IQSEC1: variants seen among roughly 807,000 people sequenced by gnomAD.
The protein encoded by IQSEC1 is IQ motif and SEC7 domain-containing protein 1.
Under a neutral mutation model 91.0 loss-of-function variants are expected in IQSEC1, and 31 were observed. The observed-to-expected ratio is 0.34, with a 90% CI of 0.26 to 0.46. The LOEUF (loss-of-function observed/expected upper bound fraction) is 0.46, where lower values mean the gene tolerates loss of function less well. IQSEC1 is among the 20% of genes least tolerant of loss of function. IQSEC1 has a pLI of 1.00. For missense variants in IQSEC1, 1,388 were observed against 1,575.6 expected (o/e 0.88, Z 2.02); for synonymous variants, 699 against 662.6 (o/e 1.05, Z -0.84).
Position 13,238,830 on chromosome 3 carries a change from T to A in IQSEC1, c.272+43881A>T, listed in dbSNP as rs372301336. On this transcript the variant is annotated intron_variant, in intron 1 of 15. Transcript: ENST00000648114. ...GTGTGCAGCAGCCCCCAGGCCCTCC[T>A]ACAGTCCCTGGGAGGGCTCTGGCCA... Among the ~76,000 whole-genome samples, 390 of 152,252 alleles carry A rather than the reference T, an allele frequency of 2.6e-3. 2 individuals carry two copies. The highest frequency in any genetic ancestry group is 8.8e-3 in the African/African-American group (365 of 41,568).
intron 1 of IQSEC1, among the ~76,000 whole-genome samples, chr3:13,051,381 A>T (rs1704684288): frequency 6.6e-6 from 1 of 152,158 alleles, no homozygotes; most frequent in Non-Finnish European, 1.5e-5. Context: ...CGACCATTGA[A>T]GCAAAGTTCA....
At chr3:13,027,766 G>C (rs1010966346) in intron 1 of IQSEC1, among the ~76,000 whole-genome samples, 1 of 152,134 alleles carries the variant, frequency 6.6e-6, no homozygotes, top group Non-Finnish European at 1.5e-5. Context: ...GGGGGACTCC[G>C]ACTGGTCAAA....
chr3:12,915,636 G>C lies in IQSEC1; in HGVS notation c.2118C>G (p.Ser706=). The change falls in exon 7 of 14, where the codon TCC becomes TCG. Residue 706 remains serine, a synonymous_variant. Transcript: ENST00000613206. ...TGAGCTTCTCCACCTTCTGCACCTG[G>C]GACACATGGTCCTCATTGGTCTTTA... ...RELKTNEDHV[S]QVQKVEKLIV... 6.2e-7 allele frequency: 1 copy of C among 1,614,086 alleles called. No individual in the cohort carries two copies.
In IQSEC1 at chr3:13,038,675, C is replaced by T. The variant is rs142999884; in HGVS notation, c.23+34317G>A. 5.5e-4 allele frequency among the ~76,000 whole-genome samples: 84 copies of T among 151,996 alleles called. 1 individual carries two copies. The highest frequency in any genetic ancestry group is 1.8e-3 in the African/African-American group (76 of 41,440). The stretch of plus-strand genomic sequence containing the variant: ...GAGTATAATTGGATTATTTGTAACT[C>T]GAAGGATAAATGCTTGAGGGGATGG... On this transcript the variant is annotated intron_variant, in intron 1 of 13. Transcript: ENST00000613206.
intron 3 of IQSEC1, among the ~76,000 whole-genome samples, chr3:12,930,094 G>A (rs977536840): frequency 9.2e-5 from 14 of 152,228 alleles, no homozygotes; most frequent in Non-Finnish European, 4.4e-5. Context: ...TGGATTGCAC[G>A]TGGGGAACAC....
intron 1 of IQSEC1, among the ~76,000 whole-genome samples, chr3:13,204,033 C>G (rs1694294583): frequency 6.6e-6 from 1 of 152,226 alleles, no homozygotes; most frequent in Non-Finnish European, 1.5e-5. Flanking sequence ...CCCTTCCCCC[C>G]GCCCATCTGT....
At chr3:13,011,580 C>A (rs1288586471) in intron 1 of IQSEC1, among the ~76,000 whole-genome samples, 3 of 152,214 alleles carry the variant, frequency 2.0e-5, no homozygotes, top group African/African-American at 7.2e-5. Flanking sequence ...CAACTGTGTG[C>A]GAATACACTG....
chr3:13,227,797 G>T (rs1429830104), intron 1 of IQSEC1, among the ~76,000 whole-genome samples: 3 of 152,202 alleles, frequency 2.0e-5, no homozygotes, highest in African/African-American at 7.2e-5. Flanking sequence ...GACTTTCCGG[G>T]AGGCATCTCA....
chr3:13,066,040 AG>A (rs759255610), intron 1 of IQSEC1, among the ~76,000 whole-genome samples: 13 of 152,200 alleles, frequency 8.5e-5, no homozygotes, highest in Non-Finnish European at 1.8e-4. Context: ...TCATATTCAC[AG>A]GGACAGAGAG....
intron 2 of IQSEC1, among the ~76,000 whole-genome samples, chr3:13,145,048 G>A (rs1449908439): frequency 6.6e-6 from 1 of 152,216 alleles, no homozygotes; most frequent in African/African-American, 2.4e-5. Flanking sequence ...TGCCAGTCAG[G>A]CAGAAAGCAC....
chr3:12,902,669 C>CCAAAAAAAAAAAAAAAAAAAAAAAAAAA, intron 13 of IQSEC1, 104 bp downstream of exon 13: 2 of 328,166 alleles, frequency 6.1e-6, no homozygotes, highest in Non-Finnish European at 5.2e-6. Flanking sequence ...AAAAAAAAAA[C>CCAAAAAAAAAAAAAAAAAAAAAAAAAAA]CAAAAAAAAA....
intron 1 of IQSEC1, among the ~76,000 whole-genome samples, chr3:12,995,527 A>T (rs66711308): frequency 0.099 from 15,150 of 152,268 alleles, 819 homozygotes; most frequent in South Asian, 0.14. Context: ...GCAGAGAGGT[A>T]AAGTCATCTG....
At chr3:13,040,328 C>A (rs1370275456) in intron 1 of IQSEC1, among the ~76,000 whole-genome samples, 1 of 152,216 alleles carries the variant, frequency 6.6e-6, no homozygotes, top group Non-Finnish European at 1.5e-5. Context: ...TCTGTTTATA[C>A]CCCATTCTTA....
chr3:12,902,901 C>G, intron 12 of IQSEC1, 79 bp from the exon 13 acceptor site: 1 of 1,077,796 alleles, frequency 9.3e-7, no homozygotes, highest in Non-Finnish European at 1.4e-6. Flanking sequence ...CACGCTGCTG[C>G]CACGGAGCCT....
intron 2 of IQSEC1, among the ~76,000 whole-genome samples, chr3:13,156,744 C>G (rs1357708981): frequency 3.3e-5 from 5 of 152,204 alleles, no homozygotes; most frequent in African/African-American, 1.2e-4. Flanking sequence ...GGCTAGGTTA[C>G]TTCAGGTGAG....
At chr3:13,043,226 G>C (rs1704355014) in intron 1 of IQSEC1, among the ~76,000 whole-genome samples, 1 of 152,202 alleles carries the variant, frequency 6.6e-6, no homozygotes, top group Admixed American at 6.5e-5. Context: ...ACCCCAGGCA[G>C]AATGGGTGGC....
chr3:12,993,689 T>A (rs1470827561), intron 1 of IQSEC1, among the ~76,000 whole-genome samples: 1 of 151,578 alleles, frequency 6.6e-6, no homozygotes, highest in East Asian at 1.9e-4. Context: ...GCCGCGGAGG[T>A]TGGGGCTTCT....
rs1404708844 is a variant in IQSEC1, at chr3:12,935,335, C to T, written c.1568+113G>A. 9.4e-6 allele frequency: 10 copies of T among 1,064,490 alleles called. No homozygotes were observed. The highest frequency in any genetic ancestry group is 4.7e-5 in the African/African-American group (3 of 63,950). The allele number at this position is 1,064,490 out of a possible 1,614,324, so 65.9% of individuals were successfully genotyped here. A position where few individuals can be genotyped will look rare whatever the true frequency, so the allele number is the denominator to read the frequency against. ...ACCTTGTGTGGCAGCTTCCTATGCT[C>T]ATAGGCCACGGTGGACCTCAAGCTC... On this transcript the variant is annotated intron_variant, in intron 3 of 13. Transcript: ENST00000613206. The surrounding 1 kb of genome is among the most constrained non-coding windows in gnomAD (Gnocchi z 8.0).
intron 2 of IQSEC1, among the ~76,000 whole-genome samples, chr3:13,151,313 ATGT>A: frequency 6.6e-6 from 1 of 152,234 alleles, no homozygotes; most frequent in Middle Eastern, 3.4e-3. Context: ...ACCCTAGTGC[ATGT>A]TGTAGCAGAG....
Sources: gnomAD v4.1 joint callset for allele counts (sites outside exome capture counted in the v4.1 genomes callset) on GRCh38, gnomAD v4.1.1 for gene constraint, Gnocchi (gnomAD v3.1) non-coding constraint, MANE v1.5 for transcripts, NCBI Gene and HGNC (gene_info 2026-07-23, HGNC 2026-07-21) for gene names.